LMBRD2: variants seen among roughly 807,000 people sequenced by gnomAD.
LMBRD2 encodes the protein LMBR1 domain containing 2, also known as G protein-coupled receptor-associated protein LMBRD2.
LMBRD2 carries 55 observed loss-of-function variants against 94.4 expected under a neutral mutation model. The observed-to-expected ratio is 0.58, with a 90% CI of 0.47 to 0.73. The LOEUF is 0.73. Ranked by LOEUF, LMBRD2 falls within the 30% of genes least tolerant of loss-of-function variation. The pLI is 0.00. For synonymous variants in LMBRD2, 246 were observed against 272.4 expected (o/e 0.90, Z 0.95); for missense variants, 640 against 831.9 (o/e 0.77, Z 2.84).
intron 6 of LMBRD2, among the ~76,000 whole-genome samples, chr5:36,131,105 G>C (rs1744141037): frequency 6.6e-6 from 1 of 151,984 alleles, no homozygotes; most frequent in African/African-American, 2.4e-5. Context: ...CTAGCAAAAT[G>C]AATTCAAGAA....
chr5:36,139,782 A>G (rs985143884), intron 4 of LMBRD2, among the ~76,000 whole-genome samples: 1 of 152,166 alleles, frequency 6.6e-6, no homozygotes, highest in African/African-American at 2.4e-5. Context: ...TATACTTGTC[A>G]GGACAACCTG....
chr5:36,117,762 T>C lies in LMBRD2; in HGVS notation c.1275A>G (p.Glu425=). 1.2e-6 allele frequency: 2 copies of C among 1,607,408 alleles called. No homozygotes were observed. Among genetic ancestry groups the C allele is most frequent in the African/African-American group, 2.7e-5 (2 of 74,592 alleles). Residue 425 remains glutamate (E), a synonymous_variant, in exon 10 of 18, where the codon GAA becomes GAG. Transcript: ENST00000296603. The stretch of plus-strand genomic sequence containing the variant: ...CGATATAAATATAATTATATGTTTT[T>C]TCTGCCAGCTGTATGAAGACCGCAA... ...SLFAVFIQLA[E]KTYNYIYIEI... is the part of the protein sequence containing the mutation.
In LMBRD2 at chr5:36,136,294, T is replaced by C; in HGVS notation, c.747+15A>G. The C allele has an allele frequency of 6.2e-7, 1 of 1,612,638 alleles. No individual in the cohort carries two copies. Among genetic ancestry groups the C allele is most frequent in the Non-Finnish European group, 8.5e-7 (1 of 1,178,682 alleles). On this transcript the variant is annotated intron_variant, in intron 6 of 17. Transcript: ENST00000296603. ...GACTTAGTGACTATTGCTTATAAGG[T>C]TCAAACTTGCTTACCTCCATGGCAT...
At chr5:36,141,933 A>G (rs1340295935) in intron 3 of LMBRD2, among the ~76,000 whole-genome samples, 1 of 152,226 alleles carries the variant, frequency 6.6e-6, no homozygotes, top group African/African-American at 2.4e-5. Flanking sequence ...ATATGCATAA[A>G]GAAGCATGCA....
At chr5:36,113,523 A>G (rs1743666470) in intron 13 of LMBRD2, among the ~76,000 whole-genome samples, 1 of 152,174 alleles carries the variant, frequency 6.6e-6, no homozygotes, top group South Asian at 2.1e-4. Context: ...TTTTACTTAT[A>G]AGAAAGTAAA....
At chr5:36,122,202 C>A in intron 9 of LMBRD2, 78 bp downstream of exon 9, 2 of 993,372 alleles carry the variant, frequency 2.0e-6, no homozygotes, top group Admixed American at 2.6e-5. Context: ...TTCAACTTTG[C>A]ATTGGTGAAA....
At position 36,100,220 on chromosome 5, in the gene LMBRD2, T is replaced by C. The variant is rs1431224300; in HGVS notation, c.*3826A>G. ...CTCAAGAATCTAAATAAATCTTAAA[T>C]TTTGGGGGGGAAATCTATTTTTATG... On this transcript the variant is annotated 3_prime_UTR_variant, in exon 18 of 18. Coordinates refer to ENST00000296603, the MANE Select transcript of LMBRD2 (RefSeq NM_001007527.2). 2.0e-5 allele frequency: 3 copies of C among 152,106 alleles called. No homozygotes were observed. Among genetic ancestry groups the C allele is most frequent in the African/African-American group, 7.2e-5 (3 of 41,430 alleles). The allele number at this position is 152,106 out of a possible 1,614,324, so 9.4% of individuals were successfully genotyped here.
At chr5:36,108,369 A>G (rs1480819114) in intron 16 of LMBRD2, among the ~76,000 whole-genome samples, 165 bp downstream of exon 16, 5 of 152,148 alleles carry the variant, frequency 3.3e-5, no homozygotes, top group Non-Finnish European at 4.4e-5. Context: ...GAGCTTCCCC[A>G]TCCTTCTATA....
In LMBRD2 at chr5:36,098,750, T is replaced by C. The variant is rs770981420; in HGVS notation, c.*5296A>G. The C allele has an allele frequency of 7.9e-5, 12 of 152,072 alleles. No homozygotes were observed. The highest frequency in any genetic ancestry group is 1.5e-4 in the Non-Finnish European group (10 of 67,950). The allele number at this position is 152,072 out of a possible 1,614,324, so 9.4% of individuals were successfully genotyped here. A position where few individuals can be genotyped will look rare whatever the true frequency, so the allele number is the denominator to read the frequency against. ...GCATAGATAAGGCCAAAGTTACTAA[T>C]TTGCTTATAGGTAGCACTTTGCAGC... On this transcript the variant is annotated 3_prime_UTR_variant, in exon 18 of 18. Transcript: ENST00000296603.
intron 12 of LMBRD2, 35 bp downstream of exon 12, chr5:36,114,980 G>A: frequency 7.5e-7 from 1 of 1,335,154 alleles, no homozygotes. Flanking sequence ...TATAGATAGT[G>A]AACCTAAGGA....
chr5:36,116,316 A>T, intron 11 of LMBRD2, 144 bp downstream of exon 11: 1 of 809,640 alleles, frequency 1.2e-6, no homozygotes, highest in Non-Finnish European at 2.0e-6. Context: ...ATCAACAAAC[A>T]TCAATTTAAT....
At chr5:36,149,170 T>C (rs1422142537) in intron 1 of LMBRD2, among the ~76,000 whole-genome samples, 2 of 152,182 alleles carry the variant, frequency 1.3e-5, no homozygotes, top group East Asian at 1.9e-4. Context: ...TACTATATGG[T>C]GAGCTCTGTT....
intron 1 of LMBRD2, among the ~76,000 whole-genome samples, chr5:36,150,266 G>T (rs1442911029): frequency 6.6e-6 from 1 of 152,134 alleles, no homozygotes; most frequent in African/African-American, 2.4e-5. Flanking sequence ...TAGTTCCCAG[G>T]TAACTCCTAG....
At chr5:36,116,616 C>T in intron 10 of LMBRD2, 23 bp from the exon 11 acceptor site, 1 of 1,606,192 alleles carries the variant, frequency 6.2e-7, no homozygotes, top group Non-Finnish European at 8.5e-7. Context: ...AAAAACAAAG[C>T]AGTTTGTTTA....
At chr5:36,117,364 G>A (rs1320993686) in intron 10 of LMBRD2, among the ~76,000 whole-genome samples, 1 of 152,076 alleles carries the variant, frequency 6.6e-6, no homozygotes, top group Non-Finnish European at 1.5e-5. Flanking sequence ...TGTAGGCCCA[G>A]CTACTTGGGA....
At chr5:36,150,630 C>G (rs1356615238) in intron 1 of LMBRD2, among the ~76,000 whole-genome samples, 1 of 152,210 alleles carries the variant, frequency 6.6e-6, no homozygotes, top group African/African-American at 2.4e-5. Flanking sequence ...TGTAAAACAT[C>G]AGGATATTGC....
Position 36,151,747 on chromosome 5 carries a change from A to T in LMBRD2, c.-249T>A, listed in dbSNP as rs28362653. 0.051 allele frequency: 8,745 copies of T among 171,258 alleles called. 328 individuals carry two copies. Among genetic ancestry groups the T allele is most frequent in the East Asian group, 0.12 (709 of 5,950 alleles). The allele number at this position is 171,258 out of a possible 1,614,324, so 10.6% of individuals were successfully genotyped here. A position where few individuals can be genotyped will look rare whatever the true frequency, so the allele number is the denominator to read the frequency against. ...TCTCGCCAGACAGCGTCTGGACGGG[A>T]CCGGGAAACGGCGGCCGCCACAGCT... On this transcript the variant is annotated 5_prime_UTR_variant, in exon 1 of 18. Transcript: ENST00000296603. The surrounding 1 kb of genome is among the most constrained non-coding windows in gnomAD (Gnocchi z 4.7).
intron 4 of LMBRD2, among the ~76,000 whole-genome samples, chr5:36,139,434 C>G (rs1227391540): frequency 2.0e-5 from 3 of 152,228 alleles, no homozygotes; most frequent in Admixed American, 6.5e-5. Context: ...GGCAGATAGG[C>G]TCCTGGGCAG....
intron 9 of LMBRD2, among the ~76,000 whole-genome samples, chr5:36,118,655 G>GT (rs755231683): frequency 0.3 from 43,209 of 142,384 alleles, 7,096 homozygotes; most frequent in Non-Finnish European, 0.38. Flanking sequence ...TTGGTTTTTT[G>GT]TTTTTTTTTT....
Sources: gnomAD v4.1 joint callset for allele counts (sites outside exome capture counted in the v4.1 genomes callset) on GRCh38, gnomAD v4.1.1 for gene constraint, Gnocchi (gnomAD v3.1) non-coding constraint, MANE v1.5 for transcripts, NCBI Gene and HGNC (gene_info 2026-07-23, HGNC 2026-07-21) for gene names.